Variants in HIP1R observed in about 807,000 individuals in gnomAD.
HIP1R encodes huntingtin-interacting protein 1-related protein.
HIP1R carries 135 observed loss-of-function variants against 144.2 expected under a neutral mutation model. That is an observed-to-expected ratio of 0.94 (90% CI 0.81 to 1.08). The LOEUF (loss-of-function observed/expected upper bound fraction) is 1.08. Among genes scored for constraint, HIP1R ranks in the 50% least tolerant of loss-of-function variants. HIP1R has a pLI of 0.00. For synonymous variants in HIP1R, 698 were observed against 612.8 expected (o/e 1.14, Z -2.05); for missense variants, 1,462 against 1,432.8 (o/e 1.02, Z -0.33).
At position 122,840,384 on chromosome 12, in the gene HIP1R, T is replaced by C. The variant is rs2033025419; in HGVS notation, c.93+4741T>C. 6.6e-6 allele frequency among the ~76,000 whole-genome samples: 1 copy of C among 152,228 alleles called. No individual in the cohort carries two copies. The highest frequency in any genetic ancestry group is 1.5e-5 in the Non-Finnish European group (1 of 68,040). The stretch of plus-strand genomic sequence containing the variant: ...CTCTAAGAGGTGGAGAGATGCCAAC[T>C]GTGGCCACGTGTGGAATGGTAGGGC... On this transcript the variant is annotated intron_variant, in intron 1 of 31. Coordinates refer to ENST00000253083, the MANE Select transcript of HIP1R (RefSeq NM_003959.3). The surrounding 1 kb of genome is among the most constrained non-coding windows in gnomAD (Gnocchi z 4.2).
intron 8 of HIP1R, 53 bp from the exon 9 acceptor site, chr12:122,854,852 G>A: frequency 6.4e-7 from 1 of 1,567,606 alleles, no homozygotes. Context: ...CAGGGCAGGT[G>A]AGCCCCTGAG....
upstream of HIP1R, chr12:122,835,434 C>CGGCG (rs2032851441): frequency 8.8e-7 from 1 of 1,136,546 alleles, no homozygotes; most frequent in Non-Finnish European, 1.1e-6. Flanking sequence ...GGCTCCTCCC[C>CGGCG]GGCGGGCGGG....
chr12:122,858,561 C>A, intron 20 of HIP1R, 126 bp downstream of exon 20: 1 of 759,462 alleles, frequency 1.3e-6, no homozygotes. Context: ...GCAGATGCCC[C>A]CTGCCTGCTC....
At chr12:122,859,391 G>A (rs776326094) in intron 22 of HIP1R, 35 bp from the exon 23 acceptor site, 62 of 1,567,476 alleles carry the variant, frequency 4.0e-5, no homozygotes, top group Middle Eastern at 1.7e-4. Context: ...GGGGGGGGAC[G>A]GAGGCTACCC....
chr12:122,858,780 CCAGTGCTAGTGTCT>C, intron 20 of HIP1R, 44 bp from the exon 21 acceptor site: 1 of 1,212,424 alleles, frequency 8.2e-7, no homozygotes, highest in Non-Finnish European at 1.2e-6. Context: ...GACGGTGGTC[CCAGTGCTAGTGTCT>C]CAGTGTCATC....
rs140231345 is a variant in HIP1R, at chr12:122,852,515, C to G, written c.577+1218C>G. ...GTGGCCCCACGAGGGAAGTGGAGAA[C>G]ACTCACAGGCACGCTTCCCACCTGG... On this transcript the variant is annotated intron_variant, in intron 7 of 31. Coordinates refer to ENST00000253083, the MANE Select transcript of HIP1R (RefSeq NM_003959.3). Among the ~76,000 whole-genome samples, 40 of 152,328 alleles carry G rather than the reference C, an allele frequency of 2.6e-4. 1 individual carries two copies. The East Asian group carries it at 6.9e-3, about 26-fold the overall frequency.
intron 2 of HIP1R, 128 bp from the exon 3 acceptor site, chr12:122,848,338 G>T: frequency 8.3e-7 from 1 of 1,206,018 alleles, no homozygotes; most frequent in Non-Finnish European, 1.2e-6. Context: ...TGGAGCTCTG[G>T]TGACCCGGGG....
intron 18 of HIP1R, 174 bp downstream of exon 18, chr12:122,857,389 C>G: frequency 1.5e-6 from 1 of 667,416 alleles, no homozygotes; most frequent in South Asian, 1.7e-5. Context: ...GTCACCACAT[C>G]ATAGCCTGTG....
intron 30 of HIP1R, 47 bp from the exon 31 acceptor site, chr12:122,861,261 G>A (rs372329941): frequency 3.7e-5 from 59 of 1,613,000 alleles, no homozygotes; most frequent in Admixed American, 1.5e-4. Context: ...CCAGGAGAGA[G>A]CTCCCTGGGG....
At chr12:122,837,775 C>T (rs1414028011) in intron 1 of HIP1R, among the ~76,000 whole-genome samples, 2 of 152,130 alleles carry the variant, frequency 1.3e-5, no homozygotes, top group East Asian at 1.9e-4. Context: ...TGGGTTTGCT[C>T]GTCTTCACAG....
chr12:122,859,378 G>C, intron 22 of HIP1R, 48 bp from the exon 23 acceptor site: 2 of 1,541,176 alleles, frequency 1.3e-6, no homozygotes, highest in Middle Eastern at 1.7e-4. Context: ...CTGCCCGTGG[G>C]ACGGGGGGGG....
At chr12:122,835,360 G>A (rs1203385854), upstream of HIP1R, 1 of 1,050,526 alleles carries the variant, frequency 9.5e-7, no homozygotes, top group Non-Finnish European at 1.2e-6. Flanking sequence ...TTGCGGGCGC[G>A]GGGGGCGGGT....
At chr12:122,852,011 C>T (rs927371950) in intron 7 of HIP1R, among the ~76,000 whole-genome samples, 1 of 152,220 alleles carries the variant, frequency 6.6e-6, no homozygotes, top group African/African-American at 2.4e-5. Flanking sequence ...GACTTCCTAG[C>T]GAGGGAACCC....
intron 20 of HIP1R, 153 bp from the exon 21 acceptor site, chr12:122,858,683 CTG>C (rs958477041): frequency 1.6e-5 from 11 of 684,742 alleles, no homozygotes; most frequent in South Asian, 1.0e-4. Context: ...GCCACACACA[CTG>C]TGGTGTGGTT....
At chr12:122,846,230 G>C (rs993743311) in intron 1 of HIP1R, among the ~76,000 whole-genome samples, 3 of 152,192 alleles carry the variant, frequency 2.0e-5, no homozygotes, top group Non-Finnish European at 4.4e-5. Flanking sequence ...CCTGGGGGCT[G>C]TTCAGAGTCA....
intron 1 of HIP1R, among the ~76,000 whole-genome samples, chr12:122,837,731 A>C (rs2032947972): frequency 6.6e-6 from 1 of 152,156 alleles, no homozygotes; most frequent in Admixed American, 6.5e-5. Context: ...CTAGGGCCCC[A>C]TTTTCTGGAA....
chr12:122,861,860 C>A lies in HIP1R; in HGVS notation c.*107C>A. The A allele has an allele frequency of 9.7e-7, 1 of 1,027,084 alleles. No individual in the cohort carries two copies. The highest frequency in any genetic ancestry group is 1.5e-6 in the Non-Finnish European group (1 of 683,886). 63.6% of individuals were successfully genotyped at this position (1,027,084 alleles called of 1,614,324 possible). ...CTCCACCTGGTGCCCAAGCCTCCCG[C>A]CCCACCGTCTGGATCAATGTCCTCA... On this transcript the variant is annotated 3_prime_UTR_variant, in exon 32 of 32. Transcript: ENST00000253083.
Position 122,855,922 on chromosome 12 carries a change from T to TGGGGGCC in HIP1R, c.1128+20_1128+26dup. 3 of 1,190,236 alleles carry TGGGGGCC rather than the reference T, an allele frequency of 2.5e-6. No individual in the cohort carries two copies. The highest frequency in any genetic ancestry group is 3.6e-6 in the Non-Finnish European group (3 of 838,458). 73.7% of individuals were successfully genotyped at this position (1,190,236 alleles called of 1,614,324 possible). On this transcript the variant is annotated intron_variant, in intron 13 of 31. Coordinates refer to ENST00000253083, the MANE Select transcript of HIP1R (RefSeq NM_003959.3). ...GCTGGAGGTGCGGGGTGGGGATGGGTGGGGGCCAGGGCCCCTCACGGCCCA... is the reference window on the plus strand; with the variant it reads ...GCTGGAGGTGCGGGGTGGGGATGGGTGGGGGCCGGGGGCCAGGGCCCCTCACGGCCCA...
rs557539670 is a variant in HIP1R, at chr12:122,854,590, T to A, written c.719-315T>A. Among the ~76,000 whole-genome samples the A allele has an allele frequency of 3.4e-3, 511 of 152,316 alleles. 5 individuals carry two copies. The highest frequency in any genetic ancestry group is 0.012 in the African/African-American group (479 of 41,568). On this transcript the variant is annotated intron_variant, in intron 8 of 31. Transcript: ENST00000253083. ...CTCGACCGCACTTTGAGAACCACTGTGTTAGTGTCAGCCTGGGACCAACGT... is the reference window on the plus strand; with the variant it reads ...CTCGACCGCACTTTGAGAACCACTGAGTTAGTGTCAGCCTGGGACCAACGT...
Sources: allele counts gnomAD v4.1 joint callset (sites outside exome capture counted in the v4.1 genomes callset), GRCh38; gene constraint gnomAD v4.1.1; non-coding constraint Gnocchi (gnomAD v3.1); transcripts MANE v1.5; gene names NCBI Gene and HGNC (gene_info 2026-07-23, HGNC 2026-07-21).